ZFHX3: variants seen among roughly 807,000 people sequenced by gnomAD.
The protein encoded by ZFHX3 is zinc finger homeobox protein 3.
ZFHX3 carries 42 observed loss-of-function variants against 279.1 expected under a neutral mutation model. The ratio of observed to expected loss-of-function variants is 0.15; its 90% CI spans 0.12 to 0.19. The LOEUF is 0.19. Ranked by LOEUF, ZFHX3 falls within the 10% of genes least tolerant of loss-of-function variation. The probability of loss-of-function intolerance (pLI) is 1.00; values close to 1 mark genes in which losing one functional copy is unlikely to be tolerated. For missense variants in ZFHX3, 4,981 were observed against 4,754.0 expected, an observed-to-expected ratio of 1.05 and a Z score of -1.40; for synonymous variants, 2,293 against 1,957.8, an observed-to-expected ratio of 1.17 and a Z score of -4.52.
At chr16:73,732,544 T>C (rs1358761332) in intron 1 of ZFHX3, among the ~76,000 whole-genome samples, 1 of 152,256 alleles carries the variant, frequency 6.6e-6, no homozygotes, top group Non-Finnish European at 1.5e-5. Flanking sequence ...GAAGTATTAT[T>C]AGTCATAGTT....
rs1339398872 is a variant in ZFHX3, at chr16:72,796,951, C to T, written c.5731G>A (p.Asp1911Asn). ...TTCTTCTCTTTGGCCTTCAAGGCAT[C>T]TGGCAGTGTTTCCTTCGGACCGGTG... is the stretch of plus-strand genomic sequence containing the variant. ...GNTGPKETLP[D>N]ALKAKEKKEL... The change falls in exon 9 of 10, where the codon GAT becomes AAT. Residue 1911 changes from aspartate to asparagine, a missense_variant. Transcript: ENST00000268489. 4 of 1,613,950 alleles carry T rather than the reference C, an allele frequency of 2.5e-6. No homozygotes were observed. The African/African-American group carries it at 5.3e-5, about 22-fold the overall frequency.
rs76324852 is a variant in ZFHX3 at position 72,953,420 on chromosome 16, C to T, written c.2720-2455G>A. ...CCCGGAGGGTAAGACAAGGAGCAAA[C>T]ATATATTTGTTTCTGATGCCAACCA... On this transcript the variant is annotated intron_variant, in intron 2 of 9. Coordinates refer to ENST00000268489, the MANE Select transcript of ZFHX3 (RefSeq NM_006885.4). Among the ~76,000 whole-genome samples the T allele has an allele frequency of 4.0e-3, 605 of 152,258 alleles. 3 individuals are homozygous for T. The highest frequency in any genetic ancestry group is 0.013 in the African/African-American group (541 of 41,558).
intron 1 of ZFHX3, among the ~76,000 whole-genome samples, chr16:73,026,035 G>A (rs796439389): frequency 1.8e-4 from 28 of 152,056 alleles, no homozygotes; most frequent in African/African-American, 6.5e-4. Flanking sequence ...TGTCTTGGCA[G>A]TCTCCGATAG....
At chr16:73,516,936 C>T (rs555898623) in intron 2 of ZFHX3, among the ~76,000 whole-genome samples, 98 of 152,310 alleles carry the variant, frequency 6.4e-4, no homozygotes, top group African/African-American at 2.2e-3. Flanking sequence ...GGTGTCTTTG[C>T]ATTTGTTTAC....
rs183688621 is a variant in ZFHX3, at chr16:73,310,660, T to C, written c.-1194+7580A>G. On this transcript the variant is annotated intron_variant, in intron 4 of 17. Coordinates refer to the ZFHX3 transcript ENST00000641206. ...CGAATTATCCAGTCCAAAATGTCAA[T>C]AGTACTGAGGCTCAGAAACTGATAT... is the stretch of plus-strand genomic sequence containing the variant. 4.8e-4 allele frequency among the ~76,000 whole-genome samples: 73 copies of C among 152,324 alleles called. 1 individual carries two copies. The highest frequency in any genetic ancestry group is 1.6e-3 in the African/African-American group (68 of 41,568).
At chr16:72,902,115 T>C (rs1309557743) in intron 3 of ZFHX3, among the ~76,000 whole-genome samples, 4 of 152,224 alleles carry the variant, frequency 2.6e-5, no homozygotes, top group Non-Finnish European at 4.4e-5. Context: ...GGGCTGTAAT[T>C]GCAGGAAGGG....
rs573656863 is a variant in ZFHX3, at chr16:72,813,053, C to T, written c.3530-1015G>A. 2.6e-5 allele frequency among the ~76,000 whole-genome samples: 4 copies of T among 152,294 alleles called. No homozygotes were observed. The South Asian group carries it at 8.3e-4, about 32-fold the overall frequency. On this transcript the variant is annotated intron_variant, in intron 5 of 9. Transcript: ENST00000268489. ...GGGTTTATCCAGGATAAGCAAGGCT[C>T]CTCCAGCTTAAACACAGTATGGTTG...
chr16:73,270,522 A>C (rs927708970), intron 4 of ZFHX3, among the ~76,000 whole-genome samples: 1 of 152,318 alleles, frequency 6.6e-6, no homozygotes, highest in African/African-American at 2.4e-5. Context: ...AGGTGCTTCA[A>C]TAAATATTTG....
At chr16:73,149,823 C>T (rs1782235079) in intron 5 of ZFHX3, among the ~76,000 whole-genome samples, 1 of 152,122 alleles carries the variant, frequency 6.6e-6, no homozygotes, top group Non-Finnish European at 1.5e-5. Flanking sequence ...TATGTAGACT[C>T]ACAGATGTAA....
At chr16:72,977,464 T>C (rs1300679431) in intron 1 of ZFHX3, among the ~76,000 whole-genome samples, 1 of 152,112 alleles carries the variant, frequency 6.6e-6, no homozygotes, top group Non-Finnish European at 1.5e-5. Context: ...AGTCTTATTC[T>C]TAAAGGAGTT....
chr16:73,018,667 G>C (rs1305561104), intron 1 of ZFHX3, among the ~76,000 whole-genome samples: 7 of 152,012 alleles, frequency 4.6e-5, no homozygotes, highest in Admixed American at 4.6e-4. Flanking sequence ...GCATTTTGTG[G>C]GGATTCACCC....
rs150377358 is a variant in ZFHX3, at chr16:73,842,855, C to A, written c.-1608+48796G>T. Among the ~76,000 whole-genome samples the A allele has an allele frequency of 6.1e-3, 927 of 152,256 alleles. 12 individuals are homozygous for A. The highest frequency in any genetic ancestry group is 0.021 in the African/African-American group (870 of 41,542). On this transcript the variant is annotated intron_variant, in intron 1 of 17. Transcript: ENST00000641206. ...CCCACCCACCGCCACCTCCCATGCC[C>A]CAGCTCTTATGACCCACGGAAGGCA...
At chr16:73,089,323 C>G (rs1385030187) in intron 8 of ZFHX3, among the ~76,000 whole-genome samples, 1 of 152,164 alleles carries the variant, frequency 6.6e-6, no homozygotes, top group Non-Finnish European at 1.5e-5. Flanking sequence ...AGGCTGGCCT[C>G]AAACTCCTGA....
At chr16:73,319,347 G>A (rs12920464) in intron 3 of ZFHX3, among the ~76,000 whole-genome samples, 22 of 151,444 alleles carry the variant, frequency 1.5e-4, no homozygotes, top group Non-Finnish European at 2.5e-4. Flanking sequence ...CCCCACTCTC[G>A]CCACGTGGTT....
intron 3 of ZFHX3, among the ~76,000 whole-genome samples, chr16:72,901,885 C>A (rs2039046337): frequency 6.6e-6 from 1 of 152,120 alleles, no homozygotes; most frequent in Admixed American, 6.5e-5. Context: ...AGACAAACAC[C>A]CCATGCACTG....
chr16:73,152,756 T>G, intron 5 of ZFHX3, among the ~76,000 whole-genome samples: 3 of 128,546 alleles, frequency 2.3e-5, no homozygotes, highest in Non-Finnish European at 3.2e-5. Flanking sequence ...AAAAATGAGT[T>G]GCTTAAAAAA....
intron 4 of ZFHX3, among the ~76,000 whole-genome samples, chr16:72,831,578 T>A (rs2037060499): frequency 6.6e-6 from 1 of 152,200 alleles, no homozygotes; most frequent in South Asian, 2.1e-4. Context: ...AGTAAACATG[T>A]ATAGGTGTCA....
intron 1 of ZFHX3, among the ~76,000 whole-genome samples, chr16:73,824,320 T>C (rs543548282): frequency 3.2e-4 from 49 of 151,628 alleles, no homozygotes; most frequent in Admixed American, 9.2e-4. Context: ...ATAAAGCAAA[T>C]GCCCTTTTCT....
Position 73,267,195 on chromosome 16 carries a change from C to G in ZFHX3, c.-1193-10059G>C, listed in dbSNP as rs74030027. Reference sequence around the variant, plus strand: ...GGAAGGGCAGAAGGAGAAGGGGGTTCTGATGCATCTTTCTGCTGCATCAAG... The same window carrying G: ...GGAAGGGCAGAAGGAGAAGGGGGTTGTGATGCATCTTTCTGCTGCATCAAG... On this transcript the variant is annotated intron_variant, in intron 4 of 17. Coordinates refer to the ZFHX3 transcript ENST00000641206. Among the ~76,000 whole-genome samples the G allele has an allele frequency of 4.1e-3, 627 of 152,306 alleles. 4 individuals are homozygous for G. Among genetic ancestry groups the G allele is most frequent in the Middle Eastern group, 0.027 (8 of 294 alleles).
Sources: gnomAD v4.1 joint callset for allele counts (sites outside exome capture counted in the v4.1 genomes callset) on GRCh38, gnomAD v4.1.1 for gene constraint, MANE v1.5 for transcripts, NCBI Gene and HGNC (gene_info 2026-07-23, HGNC 2026-07-21) for gene names.